MYO16: variants seen among roughly 807,000 people sequenced by gnomAD.
MYO16 encodes the protein unconventional myosin-XVI.
A neutral mutation model predicts 205.3 loss-of-function variants in MYO16; 94 were observed. The ratio of observed to expected loss-of-function variants is 0.46; its 90% CI spans 0.39 to 0.54. The LOEUF (loss-of-function observed/expected upper bound fraction) is 0.54, where lower values mean the gene tolerates loss of function less well. MYO16 is among the 20% of genes least tolerant of loss of function. The probability of loss-of-function intolerance (pLI) is 0.00; values close to 1 mark genes in which losing one functional copy is unlikely to be tolerated. For synonymous variants in MYO16, 988 were observed against 954.0 expected (o/e 1.04, Z -0.66); for missense variants, 2,315 against 2,387.5 (o/e 0.97, Z 0.63).
chr13:108,677,335 GTATATATA>G (rs747613453), intron 2 of MYO16, among the ~76,000 whole-genome samples: 23 of 87,478 alleles, frequency 2.6e-4, no homozygotes, highest in African/African-American at 1.2e-3. Context: ...GTGTGTGTGT[GTATATATA>G]TATATATATA....
chr13:109,041,163 T>C (rs1293664982), intron 23 of MYO16, among the ~76,000 whole-genome samples: 1 of 152,156 alleles, frequency 6.6e-6, no homozygotes, highest in Non-Finnish European at 1.5e-5. Flanking sequence ...TGTAGGGAAC[T>C]TGTGTGGCGA....
chr13:108,729,396 A>G (rs1329551656), intron 4 of MYO16, among the ~76,000 whole-genome samples: 2 of 152,226 alleles, frequency 1.3e-5, no homozygotes, highest in Non-Finnish European at 2.9e-5. Flanking sequence ...CTACGTTCAT[A>G]GTAGTTGTTT....
intron 6 of MYO16, among the ~76,000 whole-genome samples, chr13:108,796,551 A>G (rs1255928762): frequency 6.6e-6 from 1 of 152,172 alleles, no homozygotes; most frequent in East Asian, 1.9e-4. Flanking sequence ...GATTAAGAAA[A>G]TGTGGCACAT....
At chr13:108,702,625 A>G (rs982863375) in intron 2 of MYO16, among the ~76,000 whole-genome samples, 1 of 152,194 alleles carries the variant, frequency 6.6e-6, no homozygotes, top group Non-Finnish European at 1.5e-5. Flanking sequence ...AGTTAAACAC[A>G]TAAGTAAATA....
chr13:109,137,145 C>T lies in MYO16; in HGVS notation c.4052-3119C>T, dbSNP rs111260670. Among the ~76,000 whole-genome samples the T allele has an allele frequency of 7.0e-3, 1,060 of 152,288 alleles. 8 individuals are homozygous for T. The highest frequency in any genetic ancestry group is 0.024 in the African/African-American group (1,009 of 41,548). On this transcript the variant is annotated intron_variant, in intron 31 of 34. Transcript: ENST00000457511. ...TGGCTCTCCCTCACCTCCACGTAGC[C>T]TCTCTACAGTGCCCACAGCATGGCT... is the stretch of plus-strand genomic sequence containing the variant.
chr13:109,137,353 T>A (rs1876826143), intron 31 of MYO16, among the ~76,000 whole-genome samples: 1 of 152,262 alleles, frequency 6.6e-6, no homozygotes, highest in African/African-American at 2.4e-5. Flanking sequence ...TTCCAGATTC[T>A]GGAAGAGCAT....
intron 34 of MYO16, among the ~76,000 whole-genome samples, chr13:109,180,537 A>C (rs1879411123): frequency 6.6e-6 from 1 of 152,334 alleles, no homozygotes; most frequent in East Asian, 1.9e-4. Flanking sequence ...ACCTCAGCCA[A>C]GTATCCAGAT....
chr13:108,730,649 T>C (rs1412361387), intron 4 of MYO16, among the ~76,000 whole-genome samples: 4 of 152,214 alleles, frequency 2.6e-5, no homozygotes, highest in Non-Finnish European at 5.9e-5. Flanking sequence ...TAATAGACAT[T>C]AGCCTTCTTC....
chr13:108,910,124 T>C lies in MYO16; in HGVS notation c.1899T>C (p.Leu633=). 1 of 1,613,242 alleles carries C rather than the reference T, an allele frequency of 6.2e-7. No homozygotes were observed. The highest frequency in any genetic ancestry group is 8.5e-7 in the Non-Finnish European group (1 of 1,179,488). ...TATCTGCTGAAGAAAAATATGGACT[T>C]CATCTTAATAATTTATGTGCACACC... is the stretch of plus-strand genomic sequence containing the variant. ...DGLSAEEKYG[L]HLNNLCAHRY... is the part of the protein sequence containing the mutation. Residue 633 remains leucine (L), a synonymous_variant, in exon 16 of 35, where the codon CTT becomes CTC. Coordinates refer to ENST00000457511, the MANE Select transcript of MYO16 (RefSeq NM_001198950.3).
chr13:109,123,511 G>A (rs999513247), intron 29 of MYO16, among the ~76,000 whole-genome samples: 9 of 151,766 alleles, frequency 5.9e-5, no homozygotes, highest in African/African-American at 1.2e-4. Flanking sequence ...CCTTTTTCGC[G>A]CTCAAGGTGC....
At chr13:108,786,763 G>C (rs868198208) in intron 5 of MYO16, among the ~76,000 whole-genome samples, 18 of 152,180 alleles carry the variant, frequency 1.2e-4, no homozygotes. Context: ...GAGCATTGCC[G>C]TGCTGCTCAC....
At chr13:109,037,089 G>A (rs1035035369) in intron 23 of MYO16, among the ~76,000 whole-genome samples, 2 of 152,178 alleles carry the variant, frequency 1.3e-5, no homozygotes, top group Admixed American at 1.3e-4. Context: ...AAAAGCTCTA[G>A]GTGAATTCTA....
chr13:108,774,828 T>A (rs1265492768), intron 4 of MYO16, among the ~76,000 whole-genome samples: 2 of 152,220 alleles, frequency 1.3e-5, no homozygotes, highest in African/African-American at 4.8e-5. Context: ...TATCAATATG[T>A]TCTCTTACAT....
At chr13:108,753,013 G>A (rs180995691) in intron 4 of MYO16, among the ~76,000 whole-genome samples, 2 of 151,776 alleles carry the variant, frequency 1.3e-5, no homozygotes, top group Non-Finnish European at 2.9e-5. Flanking sequence ...TGATGTAAGA[G>A]ATAGGATAGA....
At chr13:109,011,073 G>C (rs1885580551) in intron 22 of MYO16, among the ~76,000 whole-genome samples, 1 of 151,258 alleles carries the variant, frequency 6.6e-6, no homozygotes, top group Non-Finnish European at 1.5e-5. Context: ...TGTTGAGCCA[G>C]CACTCCCAGT....
Position 108,877,516 on chromosome 13 carries a change from G to A in MYO16, c.1426-5543G>A, listed in dbSNP as rs572623458. Among the ~76,000 whole-genome samples the A allele has an allele frequency of 3.9e-5, 6 of 152,352 alleles. No individual in the cohort carries two copies. The East Asian group carries it at 1.2e-3, about 29-fold the overall frequency. On this transcript the variant is annotated intron_variant, in intron 12 of 34. Transcript: ENST00000457511. ...TGTGAGGTGCTGAGGACAGCACCAT[G>A]CACAGAGTGCCTGTAAGCTATTATT...
At chr13:108,972,406 G>T (rs1884085661) in intron 20 of MYO16, among the ~76,000 whole-genome samples, 1 of 64,078 alleles carries the variant, frequency 1.6e-5, no homozygotes, top group Admixed American at 2.1e-4. Flanking sequence ...ATAGTGGCTG[G>T]TAAGAAAGCA....
chr13:108,602,080 A>T (rs1392067677), intron 1 of MYO16, among the ~76,000 whole-genome samples: 1 of 133,548 alleles, frequency 7.5e-6, no homozygotes, highest in East Asian at 2.3e-4. Flanking sequence ...TCTCTCTCTC[A>T]TTGTTATGTG....
chr13:108,847,152 A>G (rs972955065), intron 10 of MYO16, among the ~76,000 whole-genome samples: 5 of 152,238 alleles, frequency 3.3e-5, no homozygotes, highest in Non-Finnish European at 7.3e-5. Flanking sequence ...TAAAAGACAT[A>G]AAGTGTTCTT....
Sources: allele counts gnomAD v4.1 joint callset (sites outside exome capture counted in the v4.1 genomes callset), GRCh38; gene constraint gnomAD v4.1.1; transcripts MANE v1.5; gene names NCBI Gene and HGNC (gene_info 2026-07-23, HGNC 2026-07-21).